KITLG: variants seen among roughly 807,000 people sequenced by gnomAD.
KITLG encodes the protein c-Kit ligand.
Under a neutral mutation model 34.1 loss-of-function variants are expected in KITLG, and 13 were observed. The ratio of observed to expected loss-of-function variants is 0.38; its 90% CI spans 0.25 to 0.61. The LOEUF is 0.61. Among genes scored for constraint, KITLG ranks in the 20% least tolerant of loss-of-function variants. The pLI is 0.60. For synonymous variants in KITLG, 110 were observed against 104.0 expected, an observed-to-expected ratio of 1.06 and a Z score of -0.35; for missense variants, 292 against 318.9, an observed-to-expected ratio of 0.92 and a Z score of 0.64.
intron 4 of KITLG, among the ~76,000 whole-genome samples, chr12:88,517,079 GT>G (rs895762730): frequency 6.6e-5 from 10 of 151,848 alleles, no homozygotes; most frequent in African/African-American, 1.4e-4. Flanking sequence ...ATATAAAAAA[GT>G]TTTTTTGCAG....
At chr12:88,528,281 G>A (rs1225903288) in intron 3 of KITLG, among the ~76,000 whole-genome samples, 1 of 151,974 alleles carries the variant, frequency 6.6e-6, no homozygotes, top group Admixed American at 6.6e-5. Flanking sequence ...CCTTTTATAA[G>A]AACTCATGTA....
At position 88,494,247 on chromosome 12, in the gene KITLG, T is replaced by C. The variant is rs1026936615; in HGVS notation, c.*2972A>G. On this transcript the variant is annotated 3_prime_UTR_variant, in exon 10 of 10. Transcript: ENST00000644744. ...GAATATATTTTTTAAATATACATAA[T>C]GCCTAAAAGCTCCAAACTGAAATTA... The C allele has an allele frequency of 2.0e-5, 3 of 151,926 alleles. No homozygotes were observed. The highest frequency in any genetic ancestry group is 6.6e-5 in the Admixed American group (1 of 15,226). 9.4% of individuals were successfully genotyped at this position (151,926 alleles called of 1,614,324 possible).
chr12:88,501,729 A>G (rs1282712235), intron 9 of KITLG, among the ~76,000 whole-genome samples: 1 of 152,088 alleles, frequency 6.6e-6, no homozygotes, highest in Non-Finnish European at 1.5e-5. Flanking sequence ...TCAGCATTTG[A>G]ATTCTTATGT....
chr12:88,515,670 T>C (rs528872165), intron 5 of KITLG, 53 bp from the exon 6 acceptor site: 5 of 1,350,944 alleles, frequency 3.7e-6, no homozygotes, highest in South Asian at 1.2e-5. Flanking sequence ...GTATGAGTTA[T>C]AGAGTCCCTG....
chr12:88,518,759 T>C lies in KITLG; in HGVS notation c.301A>G (p.Ile101Val), dbSNP rs1211805354. The C allele has an allele frequency of 1.2e-6, 2 of 1,613,454 alleles. No homozygotes were observed. The highest frequency in any genetic ancestry group is 1.7e-6 in the Non-Finnish European group (2 of 1,179,596). Residue 101 changes from isoleucine to valine, a missense_variant, in exon 4 of 10, where the codon ATA (isoleucine) becomes GTA (valine). By Grantham distance (29) the Ile-to-Val change is conservative (BLOSUM62 3). This residue lies in a region of KITLG where 152 missense variants were observed against 207.9 expected (regional missense o/e 0.73). Transcript: ENST00000644744. ...ISEGLSNYSI[I>V]DKLVNIVDDL... ...TCCACTATATTCACAAGTTTGTCTATGATGGAATAATTACTCAAGCCTTCA... is the reference window on the plus strand; with the variant it reads ...TCCACTATATTCACAAGTTTGTCTACGATGGAATAATTACTCAAGCCTTCA...
At chr12:88,548,199 T>C (rs1394879689) in intron 1 of KITLG, among the ~76,000 whole-genome samples, 1 of 152,130 alleles carries the variant, frequency 6.6e-6, no homozygotes, top group Non-Finnish European at 1.5e-5. Context: ...CTCATGCCTG[T>C]AATCCCAGCA....
intron 3 of KITLG, 54 bp downstream of exon 3, chr12:88,532,387 T>C (rs373588216): frequency 8.1e-7 from 1 of 1,240,116 alleles, no homozygotes; most frequent in African/African-American, 1.5e-5. Flanking sequence ...ATATGAATGA[T>C]CCCATTTCTT....
At chr12:88,511,782 T>C (rs964789550) in intron 6 of KITLG, among the ~76,000 whole-genome samples, 5 of 152,086 alleles carry the variant, frequency 3.3e-5, no homozygotes, top group Non-Finnish European at 7.4e-5. Flanking sequence ...ATTGGAGAGA[T>C]TTTCTGAGCA....
intron 3 of KITLG, among the ~76,000 whole-genome samples, chr12:88,519,784 T>C (rs1023623980): frequency 9.9e-5 from 15 of 152,132 alleles, no homozygotes; most frequent in Non-Finnish European, 2.1e-4. Context: ...CTACCAAGTG[T>C]GGCTAATTTT....
chr12:88,549,654 CTT>C (rs1349960152), intron 1 of KITLG, among the ~76,000 whole-genome samples: 1 of 152,074 alleles, frequency 6.6e-6, no homozygotes, highest in Non-Finnish European at 1.5e-5. Context: ...TTTAAGATGT[CTT>C]TGAGATATTC....
intron 3 of KITLG, among the ~76,000 whole-genome samples, chr12:88,522,821 A>C (rs986526360): frequency 6.6e-6 from 1 of 152,190 alleles, no homozygotes; most frequent in African/African-American, 2.4e-5. Context: ...TCACTGAAGC[A>C]CTTTACATTA....
Position 88,496,107 on chromosome 12 carries a change from T to C in KITLG, c.*1112A>G, listed in dbSNP as rs1868631971. 6.6e-6 allele frequency: 1 copy of C among 152,210 alleles called. No homozygotes were observed. The highest frequency in any genetic ancestry group is 1.5e-5 in the Non-Finnish European group (1 of 68,044). 9.4% of individuals were successfully genotyped at this position (152,210 alleles called of 1,614,324 possible). A position where few individuals can be genotyped will look rare whatever the true frequency, so the allele number is the denominator to read the frequency against. ...TATAGAGTGCCCGATTTTAACTAAA[T>C]GGATCCTTTAAACAGATAATGGTGA... On this transcript the variant is annotated 3_prime_UTR_variant, in exon 10 of 10. Transcript: ENST00000644744.
At chr12:88,552,217 C>G (rs1269126936) in intron 1 of KITLG, among the ~76,000 whole-genome samples, 1 of 148,256 alleles carries the variant, frequency 6.7e-6, no homozygotes, top group Non-Finnish European at 1.5e-5. Context: ...CTCTGTTGCT[C>G]AGGCTGGGAT....
chr12:88,569,961 C>T (rs1871591079), intron 1 of KITLG, among the ~76,000 whole-genome samples: 1 of 152,024 alleles, frequency 6.6e-6, no homozygotes, highest in Non-Finnish European at 1.5e-5. Flanking sequence ...TGGCTGGTAG[C>T]TTTAAAAGCC....
At chr12:88,529,750 C>A (rs1454410530) in intron 3 of KITLG, among the ~76,000 whole-genome samples, 1 of 152,122 alleles carries the variant, frequency 6.6e-6, no homozygotes, top group Non-Finnish European at 1.5e-5. Flanking sequence ...GAGGCCTCCC[C>A]ACTGGGAAAC....
intron 1 of KITLG, among the ~76,000 whole-genome samples, chr12:88,576,578 A>T (rs892627659): frequency 6.6e-6 from 1 of 152,290 alleles, no homozygotes; most frequent in Non-Finnish European, 1.5e-5. Context: ...TATAATCATC[A>T]TACAGATTAC....
At chr12:88,570,495 T>A (rs2120981845) in intron 1 of KITLG, among the ~76,000 whole-genome samples, 1 of 151,494 alleles carries the variant, frequency 6.6e-6, no homozygotes, top group South Asian at 2.1e-4. Context: ...TTAAATTGCA[T>A]CTTCTTCTCC....
At chr12:88,559,379 G>A (rs1871220388) in intron 1 of KITLG, among the ~76,000 whole-genome samples, 1 of 152,178 alleles carries the variant, frequency 6.6e-6, no homozygotes, top group South Asian at 2.1e-4. Flanking sequence ...CCTCCAGTCA[G>A]CAGCAGTAAC....
chr12:88,548,801 T>C (rs1158764596), intron 1 of KITLG, among the ~76,000 whole-genome samples: 2 of 152,212 alleles, frequency 1.3e-5, no homozygotes, highest in Admixed American at 6.5e-5. Context: ...GGAGGAAGTA[T>C]AGATGTACAC....
Sources: allele counts gnomAD v4.1 joint callset (sites outside exome capture counted in the v4.1 genomes callset), GRCh38; gene constraint gnomAD v4.1.1; regional missense constraint gnomAD v4.1.1; transcripts MANE v1.5; gene names NCBI Gene and HGNC (gene_info 2026-07-23, HGNC 2026-07-21).